The following CNTN5 variants were observed in gnomAD, a reference collection of about 807,000 sequenced individuals.
CNTN5 encodes the protein contactin 5, also known as contactin-5.
A neutral mutation model predicts 129.1 loss-of-function variants in CNTN5; 77 were observed. The ratio of observed to expected loss-of-function variants is 0.60; its 90% confidence interval spans 0.50 to 0.72. The LOEUF (loss-of-function observed/expected upper bound fraction) is 0.72. CNTN5 is among the 30% of genes least tolerant of loss of function. The pLI, the probability that CNTN5 is intolerant of heterozygous loss-of-function variation, is 0.00. For missense variants in CNTN5, 1,478 were observed against 1,328.8 expected (o/e 1.11, Z -1.75); for synonymous variants, 509 against 465.6 (o/e 1.09, Z -1.20).
chr11:99,731,014 G>T (rs1267478797), intron 3 of CNTN5, among the ~76,000 whole-genome samples: 2 of 152,126 alleles, frequency 1.3e-5, no homozygotes, highest in Non-Finnish European at 2.9e-5. Context: ...AGCTTAGGTA[G>T]CTCCCATATA....
At chr11:99,102,405 A>G (rs1289410353) in intron 1 of CNTN5, among the ~76,000 whole-genome samples, 3 of 152,080 alleles carry the variant, frequency 2.0e-5, no homozygotes, top group Non-Finnish European at 4.4e-5. Context: ...CTTTTTTACC[A>G]CATCATCAGG....
chr11:99,568,125 T>A (rs1949066220), intron 3 of CNTN5, among the ~76,000 whole-genome samples: 1 of 152,188 alleles, frequency 6.6e-6, no homozygotes, highest in African/African-American at 2.4e-5. Context: ...AAAATATTTT[T>A]CCCCTTGAGT....
intron 9 of CNTN5, among the ~76,000 whole-genome samples, chr11:100,035,743 G>C (rs1259768237): frequency 6.6e-6 from 1 of 150,724 alleles, no homozygotes; most frequent in Non-Finnish European, 1.5e-5. Flanking sequence ...ATTTTTTCAT[G>C]TGTTTTTTGG....
chr11:99,251,512 C>T (rs955797631), intron 1 of CNTN5, among the ~76,000 whole-genome samples: 1 of 151,312 alleles, frequency 6.6e-6, no homozygotes, highest in East Asian at 1.9e-4. Context: ...CTCAATTTAC[C>T]TAGTAATTTA....
intron 17 of CNTN5, among the ~76,000 whole-genome samples, chr11:100,266,639 T>TC (rs1950309233): frequency 6.6e-6 from 1 of 151,282 alleles, no homozygotes; most frequent in Non-Finnish European, 1.5e-5. Flanking sequence ...TCTTTTTTTT[T>TC]TTTTTTCACT....
chr11:99,198,040 A>T (rs930105164), intron 1 of CNTN5, among the ~76,000 whole-genome samples: 2 of 152,102 alleles, frequency 1.3e-5, no homozygotes, highest in African/African-American at 4.8e-5. Flanking sequence ...GGTATCTTCT[A>T]TAGCTCTTTC....
At chr11:99,890,569 G>T (rs1949032942) in intron 6 of CNTN5, among the ~76,000 whole-genome samples, 1 of 150,442 alleles carries the variant, frequency 6.6e-6, no homozygotes, top group African/African-American at 2.5e-5. Flanking sequence ...ATAGACATGT[G>T]TGTGTGTATA....
At chr11:99,613,852 A>C (rs1950672847) in intron 3 of CNTN5, among the ~76,000 whole-genome samples, 1 of 152,168 alleles carries the variant, frequency 6.6e-6, no homozygotes, top group African/African-American at 2.4e-5. Flanking sequence ...TTTAGAATAA[A>C]TATTTTTGAT....
rs538886076 is a variant in CNTN5 at position 99,206,759 on chromosome 11, A to T, written c.-209-118587A>T. ...ATATCTTTAAGCAAGTTAAGCAAGGATTTTGGATAACAATTTAAAGTGGTT... is the reference window on the plus strand; with the variant it reads ...ATATCTTTAAGCAAGTTAAGCAAGGTTTTTGGATAACAATTTAAAGTGGTT... On this transcript the variant is annotated intron_variant, in intron 1 of 24. Transcript: ENST00000524871. Among the ~76,000 whole-genome samples the T allele has an allele frequency of 2.4e-3, 367 of 152,224 alleles. 4 individuals carry two copies. Among genetic ancestry groups the T allele is most frequent in the African/African-American group, 8.5e-3 (353 of 41,554 alleles).
intron 4 of CNTN5, among the ~76,000 whole-genome samples, chr11:99,836,032 A>G (rs1445718333): frequency 1.3e-5 from 2 of 152,148 alleles, no homozygotes; most frequent in African/African-American, 4.8e-5. Flanking sequence ...TGGCTACTCC[A>G]TAGACAGTCC....
chr11:99,073,624 C>G (rs900287202), intron 1 of CNTN5, among the ~76,000 whole-genome samples: 3 of 151,872 alleles, frequency 2.0e-5, no homozygotes, highest in African/African-American at 7.3e-5. Context: ...TGTTCAGCTC[C>G]CACTGATGAG....
intron 2 of CNTN5, among the ~76,000 whole-genome samples, chr11:99,335,759 T>C (rs1433692622): frequency 6.6e-6 from 1 of 152,118 alleles, no homozygotes; most frequent in Admixed American, 6.5e-5. Flanking sequence ...ACACTCAGAT[T>C]CCTTTCAAGC....
chr11:99,330,848 A>C (rs946053207), intron 2 of CNTN5, among the ~76,000 whole-genome samples: 1 of 152,062 alleles, frequency 6.6e-6, no homozygotes, highest in Non-Finnish European at 1.5e-5. Flanking sequence ...GTTGATATCT[A>C]AATTTCTTTT....
chr11:99,051,344 C>A (rs879833516), intron 1 of CNTN5, among the ~76,000 whole-genome samples: 1 of 151,914 alleles, frequency 6.6e-6, no homozygotes, highest in Non-Finnish European at 1.5e-5. Flanking sequence ...TTAATGCCAT[C>A]CAAAATTTTC....
chr11:100,090,478 T>C (rs1022639991), intron 13 of CNTN5, among the ~76,000 whole-genome samples: 2 of 105,790 alleles, frequency 1.9e-5, no homozygotes, highest in African/African-American at 3.8e-5. Flanking sequence ...TTTTTCTCTC[T>C]TTCCCTCCCT....
chr11:99,094,967 T>C (rs1010915895), intron 1 of CNTN5, among the ~76,000 whole-genome samples: 1 of 151,888 alleles, frequency 6.6e-6, no homozygotes, highest in Non-Finnish European at 1.5e-5. Flanking sequence ...CATATTATTA[T>C]TATTATTAGG....
intron 4 of CNTN5, among the ~76,000 whole-genome samples, chr11:99,833,239 G>A (rs1280861522): frequency 6.6e-6 from 1 of 152,136 alleles, no homozygotes; most frequent in Non-Finnish European, 1.5e-5. Flanking sequence ...AGGAGCTAGA[G>A]AGGACCGGAC....
At chr11:99,582,962 C>T (rs1418506672) in intron 3 of CNTN5, among the ~76,000 whole-genome samples, 1 of 152,114 alleles carries the variant, frequency 6.6e-6, no homozygotes, top group African/African-American at 2.4e-5. Context: ...GTTTTATCTA[C>T]CTTTGGTTTT....
intron 17 of CNTN5, among the ~76,000 whole-genome samples, chr11:100,261,368 C>T (rs931076156): frequency 1.3e-5 from 2 of 152,166 alleles, no homozygotes; most frequent in African/African-American, 2.4e-5. Context: ...AACTGCCATA[C>T]TGCCCAAAGT....
Sources: allele counts gnomAD v4.1 joint callset (sites outside exome capture counted in the v4.1 genomes callset), GRCh38; gene constraint gnomAD v4.1.1; transcripts MANE v1.5; gene names NCBI Gene and HGNC (gene_info 2026-07-23, HGNC 2026-07-21).